The following CCNH variants were observed in gnomAD, a reference collection of about 807,000 sequenced individuals.
CCNH encodes the protein cyclin-H.
In CCNH, 31 loss-of-function variants were observed where a neutral mutation model predicts 41.9. That is an observed-to-expected ratio of 0.74 (90% CI 0.56 to 1.00). The LOEUF (loss-of-function observed/expected upper bound fraction) is 1.00. Among genes scored for constraint, CCNH ranks in the 50% least tolerant of loss-of-function variants. The pLI is 0.00. For synonymous variants in CCNH, 138 were observed against 136.1 expected (o/e 1.01, Z -0.10); for missense variants, 362 against 388.4 (o/e 0.93, Z 0.57).
At chr5:87,392,537 TCTC>T (rs1209225770), downstream of CCNH, 2 of 350,598 alleles carry the variant, frequency 5.7e-6, no homozygotes, top group African/African-American at 4.3e-5. Flanking sequence ...TCCCAGGTGG[TCTC>T]CTTCCTTGGT....
At chr5:87,346,143 A>T in intron 9 of CCNH, among the ~76,000 whole-genome samples, 1 of 152,098 alleles carries the variant, frequency 6.6e-6, no homozygotes, top group Non-Finnish European at 1.5e-5. Context: ...AGAGTTGAGA[A>T]CACTAAGTCC....
downstream of CCNH, chr5:87,393,686 T>TGTG (rs1762690103): frequency 1.3e-5 from 2 of 152,162 alleles, no homozygotes; most frequent in Admixed American, 1.3e-4. Context: ...ATTATAAGGC[T>TGTG]GTGGTGATGT....
chr5:87,387,629 G>C (rs932727137), downstream of CCNH, among the ~76,000 whole-genome samples: 4 of 152,114 alleles, frequency 2.6e-5, no homozygotes, highest in Non-Finnish European at 5.9e-5. Context: ...TAGGATTGGA[G>C]ATTGAGGTGT....
intron 9 of CCNH, among the ~76,000 whole-genome samples, chr5:87,360,775 G>T (rs1169476800): frequency 6.6e-6 from 1 of 152,134 alleles, no homozygotes. Context: ...ACAGTCTGAG[G>T]TTTATCAAAA....
chr5:87,335,361 G>A (rs1011627725), intron 9 of CCNH, among the ~76,000 whole-genome samples: 9 of 149,424 alleles, frequency 6.0e-5, no homozygotes, highest in Admixed American at 6.0e-4. Context: ...TCAAGAGTTT[G>A]ACAGCTTCTG....
chr5:87,336,085 T>C (rs954854620), intron 9 of CCNH, among the ~76,000 whole-genome samples: 1 of 152,180 alleles, frequency 6.6e-6, no homozygotes, highest in African/African-American at 2.4e-5. Context: ...AGCAAAAAAA[T>C]CATATAGCAG....
chr5:87,385,291 T>G, intron 9 of CCNH: 3 of 1,583,118 alleles, frequency 1.9e-6, no homozygotes, highest in Non-Finnish European at 2.6e-6. Flanking sequence ...TGTGCCCAAT[T>G]CTGTTACAGA....
intron 9 of CCNH, chr5:87,363,570 A>C: frequency 6.5e-7 from 1 of 1,542,776 alleles, no homozygotes; most frequent in Non-Finnish European, 8.9e-7. Flanking sequence ...CAAACAAAGC[A>C]AACCAATTTT....
At chr5:87,385,279 G>C in intron 9 of CCNH, 2 of 1,505,550 alleles carry the variant, frequency 1.3e-6, no homozygotes, top group Non-Finnish European at 1.8e-6. Context: ...GGTGTCATTA[G>C]CTGTGCCCAA....
chr5:87,340,979 TTTCTTAATGTAGGGCAC>T, intron 9 of CCNH, among the ~76,000 whole-genome samples: 2 of 152,142 alleles, frequency 1.3e-5, no homozygotes, highest in Admixed American at 1.3e-4. Context: ...TTGTTTGGTT[TTTCTTAATGTAGGGCAC>T]AGCTGCTGTT....
chr5:87,356,106 AAACTT>A (rs1220232476), intron 9 of CCNH, among the ~76,000 whole-genome samples: 1 of 152,208 alleles, frequency 6.6e-6, no homozygotes, highest in African/African-American at 2.4e-5. Context: ...AATATTCTAT[AAACTT>A]AACTTGATAA....
At chr5:87,345,947 A>G (rs1349257726) in intron 9 of CCNH, among the ~76,000 whole-genome samples, 3 of 152,098 alleles carry the variant, frequency 2.0e-5, no homozygotes, top group Admixed American at 2.0e-4. Context: ...ATGTACTTTG[A>G]TGACTAGTAA....
At chr5:87,394,897 A>C in intron 8 of CCNH, 147 bp downstream of exon 8, 1 of 1,486,004 alleles carries the variant, frequency 6.7e-7, no homozygotes, top group Non-Finnish European at 8.9e-7. Context: ...AATGGACAAC[A>C]GTACTGTACG....
chr5:87,342,162 C>CT lies in CCNH; in HGVS notation c.*91-23266dup, dbSNP rs531793273. The stretch of plus-strand genomic sequence containing the variant: ...TTCAAATTCTTTTTTGTTATTTTTT[C>CT]TTTTTTTTTTTTTTTGAGACAGAGT... On this transcript the variant is annotated intron_variant and NMD_transcript_variant, in intron 9 of 9. Coordinates refer to the CCNH transcript ENST00000645953. Among the ~76,000 whole-genome samples, 1,093 of 139,732 alleles carry CT rather than the reference C, an allele frequency of 7.8e-3. 11 individuals carry two copies. Among genetic ancestry groups the CT allele is most frequent in the South Asian group, 0.023 (100 of 4,440 alleles). 91.7% of individuals were successfully genotyped at this position (139,732 alleles called of 152,430 possible). A position where few individuals can be genotyped will look rare whatever the true frequency, so the allele number is the denominator to read the frequency against.
chr5:87,401,917 T>G (rs192376189), intron 5 of CCNH, 145 bp from the exon 6 acceptor site: 112 of 516,598 alleles, frequency 2.2e-4, no homozygotes, highest in African/African-American at 2.1e-3. Flanking sequence ...ACTCCTATAT[T>G]TTAAGGATTT....
At chr5:87,335,689 G>A (rs1258476348) in intron 9 of CCNH, among the ~76,000 whole-genome samples, 1 of 152,186 alleles carries the variant, frequency 6.6e-6, no homozygotes, top group South Asian at 2.1e-4. Flanking sequence ...GCCTCCCAAA[G>A]TGCTGGGATT....
chr5:87,344,540 C>T (rs1005090247), intron 9 of CCNH, among the ~76,000 whole-genome samples: 1 of 151,976 alleles, frequency 6.6e-6, no homozygotes, highest in Non-Finnish European at 1.5e-5. Context: ...GAGATAGGTT[C>T]TTGCCATTGC....
At chr5:87,374,566 ACT>A (rs2112486088), downstream of CCNH, among the ~76,000 whole-genome samples, 1 of 150,810 alleles carries the variant, frequency 6.6e-6, no homozygotes, top group Non-Finnish European at 1.5e-5. Context: ...AAAAACATTT[ACT>A]AACCCACAAA....
intron 9 of CCNH, among the ~76,000 whole-genome samples, chr5:87,319,206 T>C (rs999044020): frequency 6.6e-6 from 1 of 152,246 alleles, no homozygotes; most frequent in Non-Finnish European, 1.5e-5. Context: ...CCTGCAACTT[T>C]TGCAGGCACA....
Sources: gnomAD v4.1 joint callset for allele counts (sites outside exome capture counted in the v4.1 genomes callset) on GRCh38, gnomAD v4.1.1 for gene constraint, MANE v1.5 for transcripts, NCBI Gene and HGNC (gene_info 2026-07-23, HGNC 2026-07-21) for gene names.